The following KAT6A variants were observed in gnomAD, a reference collection of about 807,000 sequenced individuals.
KAT6A encodes histone acetyltransferase KAT6A.
In KAT6A, 9 loss-of-function variants were observed where a neutral mutation model predicts 198.4. That is an observed-to-expected ratio of 0.05 (90% CI 0.03 to 0.08). The LOEUF (loss-of-function observed/expected upper bound fraction) is 0.08. KAT6A is among the 10% of genes least tolerant of loss of function. The pLI is 1.00. For synonymous variants in KAT6A, 890 were observed against 883.0 expected, an observed-to-expected ratio of 1.01 and a Z score of -0.14; for missense variants, 2,077 against 2,509.9, an observed-to-expected ratio of 0.83 and a Z score of 3.69.
intron 8 of KAT6A, among the ~76,000 whole-genome samples, chr8:41,965,723 T>G (rs1823443686): frequency 6.6e-6 from 1 of 152,186 alleles, no homozygotes. Context: ...TGTTGGGCAA[T>G]GGTAATACAC....
In KAT6A at chr8:41,941,413, T is replaced by G. The variant is rs1294067242; in HGVS notation, c.2468A>C (p.Glu823Ala). 1.2e-6 allele frequency: 2 copies of G among 1,604,228 alleles called. No homozygotes were observed. The highest frequency in any genetic ancestry group is 2.2e-5 in the South Asian group (2 of 89,974). Residue 823 changes from glutamate to alanine, a missense_variant, in exon 15 of 17, where the codon GAA (glutamate) becomes GCA (alanine). Coordinates refer to ENST00000265713, the MANE Select transcript of KAT6A (RefSeq NM_006766.5). ...VGKSVSHENK[E>A]QDSYSVESEK... is the part of the protein sequence containing the mutation. ...ACTTTCTACTGAATAAGAATCTTGT[T>G]CTTTGTTCTCATGAGACACAGACTT...
At chr8:41,940,331 G>C (rs1464275690) in intron 15 of KAT6A, among the ~76,000 whole-genome samples, 1 of 152,214 alleles carries the variant, frequency 6.6e-6, no homozygotes, top group African/African-American at 2.4e-5. Context: ...GGAGGGATGT[G>C]TGAGAAGTGG....
chr8:41,946,702 A>G lies in KAT6A; in HGVS notation c.1903-18T>C. The G allele has an allele frequency of 6.9e-7, 1 of 1,454,094 alleles. No homozygotes were observed. The highest frequency in any genetic ancestry group is 1.1e-5 in the South Asian group (1 of 87,780). 90.1% of individuals were successfully genotyped at this position (1,454,094 alleles called of 1,614,324 possible). A position where few individuals can be genotyped will look rare whatever the true frequency, so the allele number is the denominator to read the frequency against. ...TGCTTTTCCTGGTGGAGAAAACACA[A>G]GTCAAGTTTGAAAACAGGCTGGTAA... On this transcript the variant is annotated intron_variant, in intron 11 of 16. Coordinates refer to ENST00000265713, the MANE Select transcript of KAT6A (RefSeq NM_006766.5).
chr8:41,936,114 T>C (rs955200448), intron 16 of KAT6A, among the ~76,000 whole-genome samples: 1 of 151,976 alleles, frequency 6.6e-6, no homozygotes, highest in Non-Finnish European at 1.5e-5. Flanking sequence ...ATACAAAAAT[T>C]AGCCAGGCAT....
chr8:42,042,559 C>T (rs1446194198), intron 2 of KAT6A, among the ~76,000 whole-genome samples: 1 of 151,564 alleles, frequency 6.6e-6, no homozygotes, highest in African/African-American at 2.4e-5. Context: ...TCCAATAAAA[C>T]AAAATAATTT....
intron 2 of KAT6A, among the ~76,000 whole-genome samples, chr8:42,025,347 G>A (rs1368537582): frequency 1.4e-5 from 2 of 143,076 alleles, no homozygotes; most frequent in Non-Finnish European, 3.0e-5. Context: ...GAGTAGCTGG[G>A]ATTACAGGTG....
chr8:41,993,610 T>C (rs1441136058), intron 2 of KAT6A, among the ~76,000 whole-genome samples: 1 of 152,186 alleles, frequency 6.6e-6, no homozygotes, highest in Admixed American at 6.5e-5. Flanking sequence ...AAGTGATAAT[T>C]TCAGTTTGTT....
At chr8:42,046,387 T>C (rs1369734916) in intron 2 of KAT6A, among the ~76,000 whole-genome samples, 1 of 151,698 alleles carries the variant, frequency 6.6e-6, no homozygotes. Flanking sequence ...AATACAAAAA[T>C]TAGCCGGGCG....
intron 9 of KAT6A, among the ~76,000 whole-genome samples, chr8:41,951,256 A>C: frequency 6.6e-6 from 1 of 152,122 alleles, no homozygotes; most frequent in Non-Finnish European, 1.5e-5. Context: ...CTTTATTCCA[A>C]TCTAGTTCTC....
chr8:42,030,535 A>T (rs1222924732), intron 2 of KAT6A, among the ~76,000 whole-genome samples: 4 of 150,404 alleles, frequency 2.7e-5, no homozygotes, highest in Non-Finnish European at 5.9e-5. Context: ...CCTTAATTTC[A>T]CCTCTCTCCA....
intron 15 of KAT6A, among the ~76,000 whole-genome samples, chr8:41,939,760 T>C (rs1385118265): frequency 1.3e-5 from 2 of 152,112 alleles, no homozygotes; most frequent in African/African-American, 2.4e-5. Flanking sequence ...TAAAGACACA[T>C]GACTACTAAA....
At chr8:41,954,661 G>A (rs1056292003) in intron 9 of KAT6A, among the ~76,000 whole-genome samples, 8 of 151,986 alleles carry the variant, frequency 5.3e-5, no homozygotes, top group South Asian at 2.1e-4. Flanking sequence ...ATATCCCCAC[G>A]AAGTAAGTAC....
intron 8 of KAT6A, chr8:41,957,500 C>A: frequency 3.2e-6 from 1 of 313,966 alleles, no homozygotes; most frequent in Non-Finnish European, 6.3e-6. Flanking sequence ...TACGTTTTCG[C>A]TAAACATGTG....
intron 6 of KAT6A, among the ~76,000 whole-genome samples, 186 bp downstream of exon 6, chr8:41,978,456 T>C (rs1824178764): frequency 6.6e-6 from 1 of 152,194 alleles, no homozygotes; most frequent in Admixed American, 6.5e-5. Context: ...AACAATTCAA[T>C]GCATATAAAG....
chr8:41,971,091 G>T (rs1215396554), intron 8 of KAT6A, among the ~76,000 whole-genome samples: 1 of 151,972 alleles, frequency 6.6e-6, no homozygotes, highest in Admixed American at 6.5e-5. Context: ...GAGGAGGGGG[G>T]AGGGATAGCA....
At chr8:42,046,721 C>T in intron 2 of KAT6A, among the ~76,000 whole-genome samples, 1 of 152,156 alleles carries the variant, frequency 6.6e-6, no homozygotes, top group East Asian at 1.9e-4. Context: ...AAAGTTTCTA[C>T]AGGTAAGAGT....
chr8:41,994,733 C>T (rs1825108930), intron 2 of KAT6A, among the ~76,000 whole-genome samples: 1 of 152,012 alleles, frequency 6.6e-6, no homozygotes, highest in Non-Finnish European at 1.5e-5. Flanking sequence ...TGATTTTCAC[C>T]TGTTTTTTAG....
intron 2 of KAT6A, among the ~76,000 whole-genome samples, chr8:42,044,710 A>C (rs936314529): frequency 6.6e-6 from 1 of 152,212 alleles, no homozygotes; most frequent in Non-Finnish European, 1.5e-5. Context: ...GGTCAATAGA[A>C]ATACCTGCAT....
rs775517926 is a variant in KAT6A, at chr8:41,940,996, A to G, written c.2885T>C (p.Leu962Ser). The change falls in exon 15 of 17, where the codon TTA becomes TCA. Residue 962 changes from leucine to serine, a missense_variant. Physicochemically the swap from Leu to Ser is moderately radical, Grantham distance 145. This residue lies in a region of KAT6A where 301 missense variants were observed against 272.2 expected (regional missense o/e 1.11). Transcript: ENST00000265713. ...KKSPEALKCR[L>S]TEGSERLPRR... ...GGGCAGCCTCTCACTTCCTTCTGTT[A>G]ATCTGCACTTCAGAGCCTCAGGGCT... The G allele has an allele frequency of 1.2e-6, 2 of 1,614,050 alleles. No individual in the cohort carries two copies. Among genetic ancestry groups the G allele is most frequent in the South Asian group, 1.1e-5 (1 of 91,074 alleles).
Sources: gnomAD v4.1 joint callset for allele counts (sites outside exome capture counted in the v4.1 genomes callset) on GRCh38, gnomAD v4.1.1 for gene constraint, gnomAD v4.1.1 regional missense constraint, MANE v1.5 for transcripts, NCBI Gene and HGNC (gene_info 2026-07-23, HGNC 2026-07-21) for gene names.